The following GRK3 variants were observed in gnomAD, a reference collection of about 807,000 sequenced individuals.
The protein encoded by GRK3 is adrenergic, beta, receptor kinase 2.
GRK3 carries 54 observed loss-of-function variants against 95.7 expected under a neutral mutation model. The ratio of observed to expected loss-of-function variants is 0.56; its 90% CI spans 0.45 to 0.71. The LOEUF is 0.71. Among genes scored for constraint, GRK3 ranks in the 30% least tolerant of loss-of-function variants. GRK3 has a pLI of 0.00. For missense variants in GRK3, 649 were observed against 851.2 expected, an observed-to-expected ratio of 0.76 and a Z score of 2.96; for synonymous variants, 281 against 290.8, an observed-to-expected ratio of 0.97 and a Z score of 0.34.
chr22:25,595,391 A>G (rs1404967438), intron 1 of GRK3, among the ~76,000 whole-genome samples: 1 of 152,244 alleles, frequency 6.6e-6, no homozygotes, highest in Non-Finnish European at 1.5e-5. Context: ...ATTAAAATGC[A>G]GTCCCATTTA....
chr22:25,571,431 A>G (rs1051949031), intron 1 of GRK3, among the ~76,000 whole-genome samples: 1 of 152,206 alleles, frequency 6.6e-6, no homozygotes, highest in African/African-American at 2.4e-5. Context: ...TATGCAATAC[A>G]TTTGTAAATA....
intron 5 of GRK3, 36 bp from the exon 6 acceptor site, chr22:25,667,703 T>A: frequency 6.7e-7 from 1 of 1,490,894 alleles, no homozygotes. Flanking sequence ...ACATTCCGAT[T>A]CATTCACCGT....
intron 1 of GRK3, among the ~76,000 whole-genome samples, chr22:25,565,600 C>G (rs1446016142): frequency 6.6e-6 from 1 of 152,210 alleles, no homozygotes; most frequent in African/African-American, 2.4e-5. Context: ...ATTGGTCCCC[C>G]TTTCCAACTC....
chr22:25,682,027 A>G (rs1335870594), intron 9 of GRK3, among the ~76,000 whole-genome samples: 1 of 152,236 alleles, frequency 6.6e-6, no homozygotes, highest in Non-Finnish European at 1.5e-5. Context: ...TGAGGGTTGC[A>G]GTAACTGATT....
intron 12 of GRK3, among the ~76,000 whole-genome samples, chr22:25,693,857 A>G (rs927908519): frequency 6.4e-5 from 9 of 141,452 alleles, no homozygotes; most frequent in African/African-American, 2.3e-4. Context: ...TCAGCTCACC[A>G]TAACCTCTGC....
At chr22:25,594,897 A>G (rs899005839) in intron 1 of GRK3, among the ~76,000 whole-genome samples, 1 of 152,024 alleles carries the variant, frequency 6.6e-6, no homozygotes, top group African/African-American at 2.4e-5. Flanking sequence ...ATAAATAAAT[A>G]AAATAAATAA....
At chr22:25,708,521 G>A (rs919648786) in intron 15 of GRK3, among the ~76,000 whole-genome samples, 4 of 152,320 alleles carry the variant, frequency 2.6e-5, no homozygotes, top group Admixed American at 6.5e-5. Flanking sequence ...TGGGCTGGGC[G>A]AGATGCCCCA....
chr22:25,720,564 C>T (rs2085423752), intron 19 of GRK3, among the ~76,000 whole-genome samples: 1 of 150,228 alleles, frequency 6.7e-6, no homozygotes, highest in African/African-American at 2.5e-5. Flanking sequence ...GCAACCTCCA[C>T]CTCCTGCGTT....
At chr22:25,586,995 C>G (rs1374099433) in intron 1 of GRK3, among the ~76,000 whole-genome samples, 1 of 152,018 alleles carries the variant, frequency 6.6e-6, no homozygotes, top group Non-Finnish European at 1.5e-5. Flanking sequence ...AGCAATTCTC[C>G]TGCCTCAGCC....
At chr22:25,629,049 G>C (rs2084646793) in intron 2 of GRK3, among the ~76,000 whole-genome samples, 2 of 152,152 alleles carry the variant, frequency 1.3e-5, no homozygotes, top group Admixed American at 1.3e-4. Context: ...TAGCAATTTT[G>C]AACTATATTA....
intron 3 of GRK3, among the ~76,000 whole-genome samples, chr22:25,645,299 G>A (rs2084772857): frequency 6.6e-6 from 1 of 152,230 alleles, no homozygotes; most frequent in Non-Finnish European, 1.5e-5. Flanking sequence ...TCTAGAAGAT[G>A]TGGTCTGGTG....
chr22:25,685,314 C>T lies in GRK3; in HGVS notation c.826+66C>T, dbSNP rs894416839. On this transcript the variant is annotated intron_variant, in intron 10 of 20. Transcript: ENST00000324198. ...TGCCATGATGTTAAATCTTAGCATGCATTAATCTAGGCAGACTGGCAATGT... is the reference window on the plus strand; with the variant it reads ...TGCCATGATGTTAAATCTTAGCATGTATTAATCTAGGCAGACTGGCAATGT... 7 of 1,246,858 alleles carry T rather than the reference C, an allele frequency of 5.6e-6. No homozygotes were observed. The African/African-American group carries it at 8.9e-5, about 16-fold the overall frequency. 77.2% of individuals were successfully genotyped at this position (1,246,858 alleles called of 1,614,324 possible). A position where few individuals can be genotyped will look rare whatever the true frequency, so the allele number is the denominator to read the frequency against.
chr22:25,674,123 C>T (rs1325114800), intron 7 of GRK3, among the ~76,000 whole-genome samples: 1 of 152,148 alleles, frequency 6.6e-6, no homozygotes, highest in African/African-American at 2.4e-5. Context: ...TTCACTTGTC[C>T]TCAAGGTATA....
intron 1 of GRK3, among the ~76,000 whole-genome samples, chr22:25,570,094 G>A (rs1555914072): frequency 1.3e-5 from 2 of 152,160 alleles, no homozygotes; most frequent in Non-Finnish European, 2.9e-5. Context: ...TTATTTGGGG[G>A]AAAAAATCCT....
chr22:25,593,670 C>T (rs1932573781), intron 1 of GRK3, among the ~76,000 whole-genome samples: 1 of 152,114 alleles, frequency 6.6e-6, no homozygotes, highest in African/African-American at 2.4e-5. Context: ...TTGATAGTTT[C>T]TTTTGCTGTG....
At chr22:25,629,610 G>A (rs1299917609) in intron 2 of GRK3, among the ~76,000 whole-genome samples, 2 of 152,184 alleles carry the variant, frequency 1.3e-5, no homozygotes, top group Non-Finnish European at 2.9e-5. Context: ...CTGGTGGGTG[G>A]GCAGGTCAGG....
chr22:25,674,392 G>A (rs1295554966), intron 7 of GRK3, 45 bp from the exon 8 acceptor site: 21 of 1,476,478 alleles, frequency 1.4e-5, no homozygotes, highest in South Asian at 5.8e-5. Context: ...AAACACCATA[G>A]CTTTGTGTAA....
chr22:25,594,620 T>G (rs2084359086), intron 1 of GRK3, among the ~76,000 whole-genome samples: 1 of 152,186 alleles, frequency 6.6e-6, no homozygotes, highest in African/African-American at 2.4e-5. Flanking sequence ...GGCTCACGCT[T>G]GTAATCCCAG....
chr22:25,639,177 A>T (rs1470251642), intron 2 of GRK3, among the ~76,000 whole-genome samples: 1 of 152,186 alleles, frequency 6.6e-6, no homozygotes, highest in Non-Finnish European at 1.5e-5. Flanking sequence ...ATTTTTTAAC[A>T]CTGTCTTTTG....
Sources: allele counts gnomAD v4.1 joint callset (sites outside exome capture counted in the v4.1 genomes callset), GRCh38; gene constraint gnomAD v4.1.1; transcripts MANE v1.5; gene names NCBI Gene and HGNC (gene_info 2026-07-23, HGNC 2026-07-21).